Variants in SLC39A11 observed in about 807,000 individuals in gnomAD.
SLC39A11 encodes the protein solute carrier family 39 member 11.
In SLC39A11, 33 loss-of-function variants were observed where a neutral mutation model predicts 36.1. That is an observed-to-expected ratio of 0.91 (90% CI 0.69 to 1.22). The LOEUF is 1.22. Among genes scored for constraint, SLC39A11 ranks in the 50% most tolerant of loss-of-function variants. The pLI, the probability that SLC39A11 is intolerant of heterozygous loss-of-function variation, is 0.00. For missense variants in SLC39A11, 432 were observed against 430.3 expected (o/e 1.00, Z -0.03); for synonymous variants, 166 against 170.3 (o/e 0.97, Z 0.20).
At chr17:73,010,915 A>G (rs2148497904) in intron 4 of SLC39A11, among the ~76,000 whole-genome samples, 1 of 152,330 alleles carries the variant, frequency 6.6e-6, no homozygotes, top group East Asian at 1.9e-4. Flanking sequence ...TTTCCTAACA[A>G]TGATCTCCTC....
rs2069729125 is a variant in SLC39A11, at chr17:72,649,190, G to A, written c.750C>T (p.Phe250=). ...AVSLPLRGAG[F]STWRAFWYGQ... Reference sequence around the variant, plus strand: ...CTCACCAGAAAGCTCTCCAGGTGGAGAAGCCTGCCCCTCGCAAGGGAAGGC... The same window carrying A: ...CTCACCAGAAAGCTCTCCAGGTGGAAAAGCCTGCCCCTCGCAAGGGAAGGC... The change falls in exon 8 of 10, where the codon TTC becomes TTT. Residue 250 remains phenylalanine, a synonymous_variant. Coordinates refer to ENST00000255559, the MANE Select transcript of SLC39A11 (RefSeq NM_139177.4). The A allele has an allele frequency of 1.2e-6, 2 of 1,614,042 alleles. No individual in the cohort carries two copies. Among genetic ancestry groups the A allele is most frequent in the Non-Finnish European group, 1.7e-6 (2 of 1,179,958 alleles).
At chr17:73,087,980 G>A (rs1333153808) in intron 2 of SLC39A11, among the ~76,000 whole-genome samples, 1 of 152,142 alleles carries the variant, frequency 6.6e-6, no homozygotes, top group African/African-American at 2.4e-5. Context: ...CTTCGGTCAC[G>A]CATAGTACCA....
intron 7 of SLC39A11, among the ~76,000 whole-genome samples, chr17:72,725,945 G>C (rs1598461350): frequency 1.3e-5 from 2 of 152,338 alleles, no homozygotes; most frequent in Middle Eastern, 6.8e-3. Flanking sequence ...GCTGTGAAAG[G>C]GTGGGGACAG....
intron 7 of SLC39A11, among the ~76,000 whole-genome samples, chr17:72,717,417 CT>C (rs2073454639): frequency 1.3e-5 from 2 of 152,262 alleles, no homozygotes; most frequent in South Asian, 2.1e-4. Context: ...TATGCTCCCC[CT>C]GAAGGCTCTA....
chr17:72,767,301 T>C (rs139949413), intron 6 of SLC39A11, among the ~76,000 whole-genome samples: 156 of 152,356 alleles, frequency 1.0e-3, no homozygotes, highest in African/African-American at 3.5e-3. Flanking sequence ...GAGATCATTC[T>C]AGGTACTAGA....
At chr17:73,053,827 G>A (rs975855206) in intron 3 of SLC39A11, among the ~76,000 whole-genome samples, 5 of 152,204 alleles carry the variant, frequency 3.3e-5, no homozygotes, top group Non-Finnish European at 5.9e-5. Context: ...ATCCTGAGAT[G>A]TTCATCATAA....
At chr17:73,056,049 C>A (rs2059655730) in intron 3 of SLC39A11, among the ~76,000 whole-genome samples, 1 of 152,198 alleles carries the variant, frequency 6.6e-6, no homozygotes, top group Non-Finnish European at 1.5e-5. Context: ...GAGGACACTG[C>A]TGGCAACTCC....
rs190389034 is a variant in SLC39A11, at chr17:72,795,963, T to C, written c.601+53671A>G. Among the ~76,000 whole-genome samples, 23 of 152,198 alleles carry C rather than the reference T, an allele frequency of 1.5e-4. 1 individual carries two copies. The East Asian group carries it at 4.0e-3, about 27-fold the overall frequency. On this transcript the variant is annotated intron_variant, in intron 6 of 9. Coordinates refer to ENST00000255559, the MANE Select transcript of SLC39A11 (RefSeq NM_139177.4). ...AAATAACAAATGAAAGAGGGAAGAA[T>C]ACTGGGGGGAGAAGAAATAGTATAT...
chr17:72,835,572 T>C (rs1446705912), intron 6 of SLC39A11, among the ~76,000 whole-genome samples: 2 of 152,218 alleles, frequency 1.3e-5, no homozygotes, highest in African/African-American at 4.8e-5. Context: ...GTGATTCTCC[T>C]GCCTCAGCCT....
chr17:72,755,722 G>A (rs1219036107), intron 6 of SLC39A11, among the ~76,000 whole-genome samples: 1 of 152,216 alleles, frequency 6.6e-6, no homozygotes, highest in Non-Finnish European at 1.5e-5. Context: ...GGTGCTCAGA[G>A]AATCCCGCCC....
intron 6 of SLC39A11, among the ~76,000 whole-genome samples, chr17:72,761,033 A>G (rs2075555959): frequency 6.6e-6 from 1 of 152,254 alleles, no homozygotes; most frequent in Non-Finnish European, 1.5e-5. Context: ...TCTATGGAAC[A>G]AGGTAAACAG....
intron 3 of SLC39A11, among the ~76,000 whole-genome samples, chr17:73,066,651 A>T (rs2144393473): frequency 6.6e-6 from 1 of 152,200 alleles, no homozygotes; most frequent in East Asian, 1.9e-4. Flanking sequence ...AGGGATGAGC[A>T]CACATCCTGC....
Position 73,032,125 on chromosome 17 carries a change from C to T in SLC39A11, c.148-411G>A, listed in dbSNP as rs146896377. On this transcript the variant is annotated intron_variant, in intron 3 of 9. Coordinates refer to ENST00000255559, the MANE Select transcript of SLC39A11 (RefSeq NM_139177.4). ...TGAGGCCAAGCATGCTGGTAAACAACCTACAATGCACAGCACACCCCTGAC... is the reference window on the plus strand; with the variant it reads ...TGAGGCCAAGCATGCTGGTAAACAATCTACAATGCACAGCACACCCCTGAC... Among the ~76,000 whole-genome samples the T allele has an allele frequency of 2.3e-4, 35 of 152,118 alleles. No homozygotes were observed. In the East Asian group the frequency reaches 6.6e-3, roughly 29 times the overall value.
chr17:72,889,266 G>A (rs571780587), intron 5 of SLC39A11, among the ~76,000 whole-genome samples: 10 of 152,250 alleles, frequency 6.6e-5, no homozygotes, highest in Non-Finnish European at 1.5e-4. Flanking sequence ...TGTAATCCCA[G>A]CACTTTGGGA....
intron 5 of SLC39A11, among the ~76,000 whole-genome samples, chr17:72,898,035 C>G (rs1222734148): frequency 6.6e-6 from 1 of 152,074 alleles, no homozygotes; most frequent in Admixed American, 6.6e-5. Context: ...GAAACAGGAA[C>G]AAAGTGTCAC....
chr17:73,015,780 C>T (rs114929498), intron 4 of SLC39A11, among the ~76,000 whole-genome samples: 1 of 151,922 alleles, frequency 6.6e-6, no homozygotes, highest in East Asian at 1.9e-4. Flanking sequence ...ATGAGGTTTC[C>T]CCATATTGGC....
intron 4 of SLC39A11, among the ~76,000 whole-genome samples, chr17:72,983,323 A>G (rs1044101991): frequency 6.6e-6 from 1 of 151,994 alleles, no homozygotes; most frequent in African/African-American, 2.4e-5. Flanking sequence ...CTAATTTTGT[A>G]TTTTTAGTAG....
intron 3 of SLC39A11, among the ~76,000 whole-genome samples, chr17:73,057,427 CTCTA>C (rs549969247): frequency 7.4e-4 from 113 of 152,334 alleles, no homozygotes; most frequent in African/African-American, 2.6e-3. Context: ...CGCACCTTTT[CTCTA>C]TCTTTCTATC....
In SLC39A11 at chr17:72,656,766, A is replaced by AG. The variant is rs367729878; in HGVS notation, c.672-7499dup. On this transcript the variant is annotated intron_variant, in intron 7 of 9. Coordinates refer to ENST00000255559, the MANE Select transcript of SLC39A11 (RefSeq NM_139177.4). ...GGACAAAACCAGAGAACCGCGAGGA[A>AG]GGGGGGTCCCATCCAGCATTGGGGG... Among the ~76,000 whole-genome samples, 23 of 152,246 alleles carry AG rather than the reference A, an allele frequency of 1.5e-4. No individual in the cohort carries two copies. In the East Asian group the frequency reaches 3.3e-3, roughly 22 times the overall value.
Sources: gnomAD v4.1 joint callset for allele counts (sites outside exome capture counted in the v4.1 genomes callset) on GRCh38, gnomAD v4.1.1 for gene constraint, MANE v1.5 for transcripts, NCBI Gene and HGNC (gene_info 2026-07-23, HGNC 2026-07-21) for gene names.